Variants in DMRT1 observed in about 807,000 individuals in gnomAD.
The protein encoded by DMRT1 is doublesex- and mab-3-related transcription factor 1.
A neutral mutation model predicts 32.3 loss-of-function variants in DMRT1; 7 were observed. That is an observed-to-expected ratio of 0.22 (90% confidence interval 0.12 to 0.41). The LOEUF is 0.41. DMRT1 is among the 10% of genes least tolerant of loss of function. DMRT1 has a pLI of 1.00. For synonymous variants in DMRT1, 278 were observed against 206.1 expected (o/e 1.35, Z -2.99); for missense variants, 625 against 500.5 (o/e 1.25, Z -2.37).
chr9:950,661 A>G (rs547391713), intron 4 of DMRT1, among the ~76,000 whole-genome samples: 3 of 152,254 alleles, frequency 2.0e-5, no homozygotes, highest in African/African-American at 7.2e-5. Context: ...CTGCTTCCCC[A>G]AGTCAGCATT....
rs565505244 is a variant in DMRT1 at position 862,989 on chromosome 9, G to C, written c.538+15846G>C. Among the ~76,000 whole-genome samples, 5 of 152,090 alleles carry C rather than the reference G, an allele frequency of 3.3e-5. No individual in the cohort carries two copies. In the East Asian group the frequency reaches 9.7e-4, roughly 29 times the overall value. On this transcript the variant is annotated intron_variant, in intron 2 of 4. Coordinates refer to ENST00000382276, the MANE Select transcript of DMRT1 (RefSeq NM_021951.3). Reference sequence around the variant, plus strand: ...GAGTGAGATGATCCTGGATTTTCCGGATGGGCACAATCTAATGGCATGAAT... The same window carrying C: ...GAGTGAGATGATCCTGGATTTTCCGCATGGGCACAATCTAATGGCATGAAT...
Position 872,268 on chromosome 9 carries a change from G to A in DMRT1, c.539-21644G>A, listed in dbSNP as rs111266610. 9.7e-4 allele frequency among the ~76,000 whole-genome samples: 141 copies of A among 145,844 alleles called. 9 individuals carry two copies. Among genetic ancestry groups the A allele is most frequent in the African/African-American group, 3.2e-3 (115 of 35,858 alleles). The stretch of plus-strand genomic sequence containing the variant: ...AGTAGAGATAGGGTTTCACCATGTT[G>A]GCCAGGCTGGTCTCGAACTCCTGAC... On this transcript the variant is annotated intron_variant, in intron 2 of 4. Transcript: ENST00000382276.
intron 3 of DMRT1, among the ~76,000 whole-genome samples, chr9:900,057 T>C (rs1817513185): frequency 6.6e-6 from 1 of 152,238 alleles, no homozygotes; most frequent in Non-Finnish European, 1.5e-5. Flanking sequence ...GAGCCCACCA[T>C]GTGCTGGGGA....
intron 4 of DMRT1, among the ~76,000 whole-genome samples, chr9:946,305 A>G (rs113377299): frequency 0.017 from 2,616 of 152,162 alleles, 75 homozygotes; most frequent in African/African-American, 0.06. Flanking sequence ...ATTCCTAGCA[A>G]TTTGGTATTA....
At chr9:940,572 T>C (rs1291072644) in intron 4 of DMRT1, among the ~76,000 whole-genome samples, 1 of 152,086 alleles carries the variant, frequency 6.6e-6, no homozygotes, top group Non-Finnish European at 1.5e-5. Flanking sequence ...AAGACCTAAA[T>C]GCAGGACCTA....
chr9:956,457 G>A (rs1819602819), intron 4 of DMRT1, among the ~76,000 whole-genome samples: 1 of 152,028 alleles, frequency 6.6e-6, no homozygotes, highest in Non-Finnish European at 1.5e-5. Context: ...CCAGCACTTT[G>A]GGAAGCTGAG....
At chr9:928,252 C>T (rs1379622661) in intron 4 of DMRT1, among the ~76,000 whole-genome samples, 1 of 152,220 alleles carries the variant, frequency 6.6e-6, no homozygotes, top group Non-Finnish European at 1.5e-5. Flanking sequence ...CAGCAGCCGG[C>T]TCTGCAGTCC....
intron 2 of DMRT1, among the ~76,000 whole-genome samples, chr9:861,156 G>C (rs1354463584): frequency 6.7e-6 from 1 of 150,202 alleles, no homozygotes; most frequent in Non-Finnish European, 1.5e-5. Flanking sequence ...AAGGTCAGCA[G>C]ATAAACATGT....
At position 848,873 on chromosome 9, in the gene DMRT1, G is replaced by T. The variant is rs570641515; in HGVS notation, c.538+1730G>T. 1.0e-4 allele frequency among the ~76,000 whole-genome samples: 4 copies of T among 39,534 alleles called. 1 individual carries two copies. Among genetic ancestry groups the T allele is most frequent in the Admixed American group, 8.5e-4 (4 of 4,682 alleles). 25.9% of individuals were successfully genotyped at this position (39,534 alleles called of 152,430 possible). On this transcript the variant is annotated intron_variant, in intron 2 of 4. Transcript: ENST00000382276. ...CCAGGCCAAAACTTTGCTTTTCATA[G>T]GAAGGAAGGAGTGTATCAGAAATAC...
intron 4 of DMRT1, among the ~76,000 whole-genome samples, chr9:933,254 C>A (rs967520137): frequency 6.6e-6 from 1 of 152,126 alleles, no homozygotes; most frequent in African/African-American, 2.4e-5. Context: ...TAGGGTCTTT[C>A]GGGCGACCAG....
At chr9:872,863 G>C (rs1054505000) in intron 2 of DMRT1, among the ~76,000 whole-genome samples, 2 of 152,106 alleles carry the variant, frequency 1.3e-5, no homozygotes, top group Admixed American at 6.5e-5. Flanking sequence ...TTTCAAAAGC[G>C]GGTGCACCGT....
chr9:909,121 A>G (rs1490607659), intron 3 of DMRT1, among the ~76,000 whole-genome samples: 1 of 152,104 alleles, frequency 6.6e-6, no homozygotes, highest in African/African-American at 2.4e-5. Context: ...ACCTAAGAGA[A>G]AGCAAGGTGA....
Position 842,066 on chromosome 9 carries a change from C to T in DMRT1, c.228C>T (p.Cys76=). The change falls in exon 1 of 5, where the codon TGC becomes TGT. Residue 76 remains cysteine (C), a synonymous_variant. Transcript: ENST00000382276. ...GSKKSPRLPK[C]ARCRNHGYAS... The stretch of plus-strand genomic sequence containing the variant: ...AGAAGTCCCCGCGGCTGCCCAAGTG[C>T]GCACGCTGCAGGAACCACGGCTACG... 3 of 1,545,326 alleles carry T rather than the reference C, an allele frequency of 1.9e-6. No individual in the cohort carries two copies. Among genetic ancestry groups the T allele is most frequent in the East Asian group, 2.4e-5 (1 of 41,174 alleles).
At chr9:908,783 T>C (rs1319017087) in intron 3 of DMRT1, among the ~76,000 whole-genome samples, 1 of 152,208 alleles carries the variant, frequency 6.6e-6, no homozygotes, top group Non-Finnish European at 1.5e-5. Flanking sequence ...TGGTTGGTTC[T>C]CTCTGCCCTG....
chr9:915,892 C>G (rs937189819), intron 3 of DMRT1, among the ~76,000 whole-genome samples: 6 of 152,196 alleles, frequency 3.9e-5, no homozygotes, highest in Middle Eastern at 3.4e-3. Context: ...GCCACCACGT[C>G]TGGCTAATTT....
At chr9:933,624 G>A (rs1383864158) in intron 4 of DMRT1, among the ~76,000 whole-genome samples, 2 of 152,166 alleles carry the variant, frequency 1.3e-5, no homozygotes, top group Admixed American at 1.3e-4. Context: ...GCACCATCCA[G>A]TACAGCAGCT....
chr9:910,515 G>T (rs568268035), intron 3 of DMRT1, among the ~76,000 whole-genome samples: 2 of 150,474 alleles, frequency 1.3e-5, no homozygotes, highest in Admixed American at 1.4e-4. Flanking sequence ...ACTGGTATTT[G>T]GGATTTTTTT....
At position 961,422 on chromosome 9, in the gene DMRT1, A is replaced by C. The variant is rs191325263; in HGVS notation, c.968-6563A>C. Among the ~76,000 whole-genome samples, 570 of 152,286 alleles carry C rather than the reference A, an allele frequency of 3.7e-3. 3 individuals are homozygous for C. Among genetic ancestry groups the C allele is most frequent in the Admixed American group, 8.9e-3 (136 of 15,302 alleles). ...TTTTAGGACAAACTTAGGCTCAAAA[A>C]CCACAGATTCTTCCTTCCTCCAAAT... On this transcript the variant is annotated intron_variant, in intron 4 of 4. Transcript: ENST00000382276.
intron 4 of DMRT1, among the ~76,000 whole-genome samples, chr9:923,007 T>C (rs190733060): frequency 1.8e-3 from 277 of 152,256 alleles, no homozygotes; most frequent in African/African-American, 6.4e-3. Context: ...ACTTTTCGAA[T>C]CCATCTGGCG....
Sources: allele counts gnomAD v4.1 joint callset (sites outside exome capture counted in the v4.1 genomes callset), GRCh38; gene constraint gnomAD v4.1.1; transcripts MANE v1.5; gene names NCBI Gene and HGNC (gene_info 2026-07-23, HGNC 2026-07-21).